Variants in ANK2 observed in about 807,000 individuals in gnomAD.
ANK2 encodes the protein ankyrin 2, also known as ankyrin-2.
Under a neutral mutation model 360.5 loss-of-function variants are expected in ANK2, and 83 were observed. That is an observed-to-expected ratio of 0.23 (90% CI 0.19 to 0.28). The LOEUF is 0.28. Ranked by LOEUF, ANK2 falls within the 10% of genes least tolerant of loss-of-function variation. The pLI is 1.00. For synonymous variants in ANK2, 1,740 were observed against 1,759.5 expected, an observed-to-expected ratio of 0.99 and a Z score of 0.28; for missense variants, 4,201 against 4,795.7, an observed-to-expected ratio of 0.88 and a Z score of 3.66.
Position 113,196,409 on chromosome 4 carries a change from C to T in ANK2, c.228C>T (p.His76=), listed in dbSNP as rs1300920995. ...TCCATCTGGCTGCCAAGGAAGGCCA[C>T]GTGGGGCTGGTGCAGGAGCTGCTGG... is the stretch of plus-strand genomic sequence containing the variant. ...NALHLAAKEG[H]VGLVQELLGR... Residue 76 remains histidine (H), a synonymous_variant, in exon 3 of 46, where the codon CAC becomes CAT. Coordinates refer to ENST00000357077, the MANE Select transcript of ANK2 (RefSeq NM_001148.6). 16 of 1,613,726 alleles carry T rather than the reference C, an allele frequency of 9.9e-6. No homozygotes were observed. The highest frequency in any genetic ancestry group is 6.7e-5 in the East Asian group (3 of 44,898).
intron 17 of ANK2, among the ~76,000 whole-genome samples, chr4:113,282,175 C>T (rs1245193547): frequency 6.6e-6 from 1 of 152,042 alleles, no homozygotes; most frequent in African/African-American, 2.4e-5. Flanking sequence ...AGCCTTGGTT[C>T]CAGATAGCAC....
At chr4:113,330,071 A>C (rs892996346) in intron 26 of ANK2, among the ~76,000 whole-genome samples, 175 bp from the exon 27 acceptor site, 3 of 152,240 alleles carry the variant, frequency 2.0e-5, no homozygotes, top group Non-Finnish European at 4.4e-5. Flanking sequence ...ACAAAACAGA[A>C]TTAAAGGCAT....
chr4:113,136,745 T>C (rs1371000619), intron 1 of ANK2, among the ~76,000 whole-genome samples: 1 of 143,754 alleles, frequency 7.0e-6, no homozygotes, highest in Non-Finnish European at 1.5e-5. Context: ...CCATACCACA[T>C]TATTAAGGAT....
At chr4:112,955,517 A>G (rs1047198762) in intron 2 of ANK2, among the ~76,000 whole-genome samples, 2 of 151,974 alleles carry the variant, frequency 1.3e-5, no homozygotes, top group South Asian at 4.1e-4. Context: ...AAACCATAAA[A>G]CATTTTATTG....
the ANK2 span, among the ~76,000 whole-genome samples, chr4:112,730,018 G>T: frequency 6.6e-6 from 1 of 152,086 alleles, no homozygotes; most frequent in East Asian, 1.9e-4. Flanking sequence ...GCAAGGATTG[G>T]GAAGATGTTA....
At chr4:113,243,749 A>T (rs549486351) in intron 9 of ANK2, among the ~76,000 whole-genome samples, 2 of 152,196 alleles carry the variant, frequency 1.3e-5, no homozygotes, top group Non-Finnish European at 2.9e-5. Context: ...CATTACTAAC[A>T]TCATTACTAA....
chr4:113,152,777 T>A lies in ANK2; in HGVS notation c.85-21639T>A, dbSNP rs148463372. ...TTTTTTAAGTTTGATGGTGTGCACC[T>A]GTGGACCCAGCTATTTGGGAGGCTG... On this transcript the variant is annotated intron_variant, in intron 1 of 45. Coordinates refer to ENST00000357077, the MANE Select transcript of ANK2 (RefSeq NM_001148.6). Among the ~76,000 whole-genome samples the A allele has an allele frequency of 9.1e-4, 139 of 152,122 alleles. 1 individual carries two copies. Among genetic ancestry groups the A allele is most frequent in the African/African-American group, 3.1e-3 (127 of 41,502 alleles).
At chr4:113,369,883 TA>T (rs1564157296) in intron 43 of ANK2, 78 bp downstream of exon 43, 1 of 1,592,858 alleles carries the variant, frequency 6.3e-7, no homozygotes, top group African/African-American at 1.3e-5. Context: ...TATGATGGTT[TA>T]TTTTTTGCAC....
chr4:112,729,494 G>A, the ANK2 span, among the ~76,000 whole-genome samples: 2 of 152,074 alleles, frequency 1.3e-5, no homozygotes, highest in Non-Finnish European at 2.9e-5. Context: ...GATAGCTAAG[G>A]CCTATAATCC....
chr4:112,760,682 T>TC, the ANK2 span, among the ~76,000 whole-genome samples: 4 of 152,036 alleles, frequency 2.6e-5, no homozygotes, highest in Admixed American at 1.3e-4. Flanking sequence ...CCTAATGCTA[T>TC]CCCTCGCCCC....
intron 1 of ANK2, among the ~76,000 whole-genome samples, chr4:113,143,116 C>T (rs1371808646): frequency 6.6e-6 from 1 of 151,956 alleles, no homozygotes; most frequent in Non-Finnish European, 1.5e-5. Context: ...ACATGTAATA[C>T]TAGTGTGCAT....
At chr4:113,350,741 C>T (rs554273865) in intron 37 of ANK2, 1 of 155,088 alleles carries the variant, frequency 6.4e-6, no homozygotes. Context: ...GCCCCCTCCC[C>T]CATCACTCTT....
At chr4:112,883,187 C>T (rs1423941108) in intron 1 of ANK2, among the ~76,000 whole-genome samples, 1 of 151,622 alleles carries the variant, frequency 6.6e-6, no homozygotes, top group Non-Finnish European at 1.5e-5. Flanking sequence ...TATAGGCACC[C>T]ACCACTACAC....
intron 1 of ANK2, among the ~76,000 whole-genome samples, chr4:113,107,379 G>T (rs2093759006): frequency 6.6e-6 from 1 of 152,070 alleles, no homozygotes. Context: ...ACCATGCCTG[G>T]CTAATTTTTG....
chr4:113,374,789 T>G (rs1229901114), intron 45 of ANK2: 1 of 1,160,446 alleles, frequency 8.6e-7, no homozygotes, highest in Non-Finnish European at 1.1e-6. Context: ...CCCAGCATTT[T>G]GTCCAGTACC....
At chr4:113,123,408 T>C (rs2154373009) in intron 1 of ANK2, among the ~76,000 whole-genome samples, 1 of 152,284 alleles carries the variant, frequency 6.6e-6, no homozygotes, top group African/African-American at 2.4e-5. Flanking sequence ...TATTTAATGA[T>C]CTACTTGTGT....
intron 2 of ANK2, among the ~76,000 whole-genome samples, chr4:113,012,706 A>G (rs1291540657): frequency 6.6e-6 from 1 of 152,174 alleles, no homozygotes; most frequent in African/African-American, 2.4e-5. Flanking sequence ...AACAATATAA[A>G]ATTCAAGGAT....
chr4:112,812,905 G>C, the ANK2 span, among the ~76,000 whole-genome samples: 1 of 152,048 alleles, frequency 6.6e-6, no homozygotes, highest in Non-Finnish European at 1.5e-5. Flanking sequence ...TCCCCAAAGA[G>C]CCCTGGTTCT....
chr4:113,348,262 C>G lies in ANK2; in HGVS notation c.4372-14C>G, dbSNP rs773427849. 6.2e-6 allele frequency: 10 copies of G among 1,613,028 alleles called. No homozygotes were observed. In the Admixed American group the frequency reaches 1.7e-4, roughly 27 times the overall value. On this transcript the variant is annotated splice_polypyrimidine_tract_variant and intron_variant, in intron 35 of 45. Transcript: ENST00000357077. ...CTCTTTTTTCCATCTTGCATGGCATCTTGGGGCGGAAAGGAATCAGAGTCA... is the reference window on the plus strand; with the variant it reads ...CTCTTTTTTCCATCTTGCATGGCATGTTGGGGCGGAAAGGAATCAGAGTCA...
Sources: gnomAD v4.1 joint callset for allele counts (sites outside exome capture counted in the v4.1 genomes callset) on GRCh38, gnomAD v4.1.1 for gene constraint, MANE v1.5 for transcripts, NCBI Gene and HGNC (gene_info 2026-07-23, HGNC 2026-07-21) for gene names.